GUCY2C: variants seen among roughly 807,000 people sequenced by gnomAD.
GUCY2C encodes the protein guanylyl cyclase C.
Under a neutral mutation model 131.1 loss-of-function variants are expected in GUCY2C, and 118 were observed. The observed-to-expected ratio is 0.90, with a 90% CI of 0.78 to 1.05. GUCY2C has a LOEUF of 1.05. GUCY2C is among the 50% of genes least tolerant of loss of function. GUCY2C has a pLI of 0.00. For synonymous variants in GUCY2C, 452 were observed against 457.8 expected (o/e 0.99, Z 0.16); for missense variants, 1,161 against 1,304.4 (o/e 0.89, Z 1.69).
chr12:14,678,831 C>A (rs540717408), intron 6 of GUCY2C, among the ~76,000 whole-genome samples: 15 of 152,218 alleles, frequency 9.9e-5, no homozygotes, highest in African/African-American at 3.1e-4. Flanking sequence ...TAACTTGACT[C>A]AAATATTACT....
rs770062577 is a variant in GUCY2C, at chr12:14,656,514, T to C, written c.1468A>G (p.Lys490Glu). 1.3e-6 allele frequency: 2 copies of C among 1,530,066 alleles called. No homozygotes were observed. The highest frequency in any genetic ancestry group is 2.3e-5 in the South Asian group (2 of 88,710). 94.8% of individuals were successfully genotyped at this position (1,530,066 alleles called of 1,614,324 possible). The part of the protein sequence containing the change: ...ETNETNHVSL[K>E]IDDDKRRDTI... The stretch of plus-strand genomic sequence containing the variant: ...TCAACAGGTAAGGTAGGCTTTACCT[T>C]GAGGCTAACATGATTGGTCTCATTG... Residue 490 changes from lysine to glutamate, a missense_variant and splice_region_variant, in exon 12 of 27, where the codon AAG becomes GAG. Physicochemically the swap from Lys to Glu is moderately conservative, Grantham distance 56. Coordinates refer to ENST00000261170, the MANE Select transcript of GUCY2C (RefSeq NM_004963.4).
intron 25 of GUCY2C, among the ~76,000 whole-genome samples, chr12:14,615,796 G>A (rs887020936): frequency 2.6e-5 from 4 of 152,028 alleles, no homozygotes; most frequent in African/African-American, 9.7e-5. Flanking sequence ...CAAGTGTGAT[G>A]TTAGGACACT....
intron 7 of GUCY2C, among the ~76,000 whole-genome samples, chr12:14,675,745 G>T (rs999272361): frequency 3.3e-5 from 5 of 152,134 alleles, no homozygotes; most frequent in African/African-American, 9.7e-5. Flanking sequence ...GACCAAGTGG[G>T]TTCTATTACC....
chr12:14,660,934 C>T, intron 11 of GUCY2C, 47 bp downstream of exon 11: 1 of 1,230,518 alleles, frequency 8.1e-7, no homozygotes, highest in South Asian at 1.2e-5. Context: ...ACTTTCCCTT[C>T]CTGCCTCTCT....
At chr12:14,626,243 A>AAG (rs113403272) in intron 20 of GUCY2C, among the ~76,000 whole-genome samples, 2,257 of 152,078 alleles carry the variant, frequency 0.015, 67 homozygotes, top group African/African-American at 0.052. Flanking sequence ...GAATTGCTTG[A>AAG]CTGGGAGGTG....
intron 6 of GUCY2C, 83 bp from the exon 7 acceptor site, chr12:14,677,054 A>G (rs2137082169): frequency 2.2e-6 from 1 of 452,962 alleles, no homozygotes; most frequent in South Asian, 5.3e-5. Context: ...CTATACCATC[A>G]TCATTGAAAA....
chr12:14,635,627 A>T (rs1329271655), intron 19 of GUCY2C, among the ~76,000 whole-genome samples: 1 of 152,122 alleles, frequency 6.6e-6, no homozygotes, highest in Non-Finnish European at 1.5e-5. Flanking sequence ...GACAAAATAG[A>T]GGTTGAAAAA....
At chr12:14,640,615 C>T (rs1045526835) in intron 18 of GUCY2C, among the ~76,000 whole-genome samples, 2 of 152,172 alleles carry the variant, frequency 1.3e-5, no homozygotes, top group Non-Finnish European at 2.9e-5. Flanking sequence ...CCCTACTCCC[C>T]ACCAAACAGT....
At chr12:14,638,004 G>C (rs1947309485) in intron 19 of GUCY2C, among the ~76,000 whole-genome samples, 1 of 152,076 alleles carries the variant, frequency 6.6e-6, no homozygotes, top group African/African-American at 2.4e-5. Context: ...GAATATACAA[G>C]GAGCTCAAAC....
At chr12:14,638,134 A>G (rs1405476005) in intron 19 of GUCY2C, among the ~76,000 whole-genome samples, 1 of 152,234 alleles carries the variant, frequency 6.6e-6, no homozygotes, top group Non-Finnish European at 1.5e-5. Flanking sequence ...ATAACTAATC[A>G]TCAGGGAAAT....
At position 14,675,207 on chromosome 12, in the gene GUCY2C, CAAAAAAAA is replaced by C. The variant is rs35870014; in HGVS notation, c.949-455_949-448del. Among the ~76,000 whole-genome samples, 185 of 34,776 alleles carry C rather than the reference CAAAAAAAA, an allele frequency of 5.3e-3. 2 individuals are homozygous for C. The Admixed American group carries it at 0.061, about 12-fold the overall frequency. 22.8% of individuals were successfully genotyped at this position (34,776 alleles called of 152,430 possible). ...TGGGTGACAGAGTGAAACTCCATCT[CAAAAAAAA>C]AAAAAAAAAAAAAAGAAAAAAAGAA... On this transcript the variant is annotated intron_variant, in intron 7 of 26. Coordinates refer to ENST00000261170, the MANE Select transcript of GUCY2C (RefSeq NM_004963.4).
At chr12:14,674,994 G>A (rs955495660) in intron 7 of GUCY2C, among the ~76,000 whole-genome samples, 1 of 151,964 alleles carries the variant, frequency 6.6e-6, no homozygotes, top group Non-Finnish European at 1.5e-5. Flanking sequence ...CGGAGCACCT[G>A]AGTTCAGGAG....
At chr12:14,645,146 C>A in intron 16 of GUCY2C, 83 bp downstream of exon 16, 2 of 746,496 alleles carry the variant, frequency 2.7e-6, no homozygotes, top group South Asian at 1.7e-5. Flanking sequence ...ATGAAGAAAC[C>A]AATGCACAGA....
At chr12:14,657,112 T>C (rs556496884) in intron 11 of GUCY2C, among the ~76,000 whole-genome samples, 3 of 152,326 alleles carry the variant, frequency 2.0e-5, no homozygotes, top group South Asian at 4.1e-4. Context: ...TAACAGGCCA[T>C]GGACTGGGGT....
At chr12:14,685,009 G>C (rs1265565355) in intron 3 of GUCY2C, among the ~76,000 whole-genome samples, 2 of 151,994 alleles carry the variant, frequency 1.3e-5, no homozygotes, top group African/African-American at 4.8e-5. Flanking sequence ...TTCCCTGATG[G>C]CATTGATCTC....
At chr12:14,683,321 C>T (rs1258530681) in intron 3 of GUCY2C, 64 bp from the exon 4 acceptor site, 2 of 936,624 alleles carry the variant, frequency 2.1e-6, no homozygotes, top group African/African-American at 3.3e-5. Context: ...CAAATAAGAT[C>T]CCTCTTTAAC....
rs1565620418 is a variant in GUCY2C at position 14,653,031 on chromosome 12, CT to C, written c.1471-18del. On this transcript the variant is annotated intron_variant, in intron 12 of 26. Transcript: ENST00000261170. ...ATCATCGATCTGGCACAAGAAAAGG[CT>C]AATTATTCCAGAAGCTCCATATCTC... is the stretch of plus-strand genomic sequence containing the variant. 6.3e-7 allele frequency: 1 copy of C among 1,586,882 alleles called. No homozygotes were observed. The highest frequency in any genetic ancestry group is 8.7e-7 in the Non-Finnish European group (1 of 1,155,078).
At chr12:14,679,819 A>T in intron 5 of GUCY2C, 66 bp from the exon 6 acceptor site, 1 of 805,192 alleles carries the variant, frequency 1.2e-6, no homozygotes, top group Admixed American at 2.0e-5. Flanking sequence ...GCAGGGAACC[A>T]GTTGCCTGAA....
intron 18 of GUCY2C, 86 bp downstream of exon 18, chr12:14,640,996 G>T (rs1947389773): frequency 8.4e-7 from 1 of 1,188,550 alleles, no homozygotes; most frequent in Non-Finnish European, 1.2e-6. Context: ...ATTGTGATGT[G>T]GTTACAGACA....
Sources: gnomAD v4.1 joint callset for allele counts (sites outside exome capture counted in the v4.1 genomes callset) on GRCh38, gnomAD v4.1.1 for gene constraint, MANE v1.5 for transcripts, NCBI Gene and HGNC (gene_info 2026-07-23, HGNC 2026-07-21) for gene names.